The following FSTL5 variants were observed in gnomAD, a reference collection of about 807,000 sequenced individuals.
FSTL5 encodes the protein follistatin like 5, also known as follistatin-related protein 5.
A neutral mutation model predicts 89.1 loss-of-function variants in FSTL5; 62 were observed. That is an observed-to-expected ratio of 0.70 (90% CI 0.57 to 0.86). The LOEUF is 0.86. FSTL5 is among the 40% of genes least tolerant of loss of function. The pLI, the probability that FSTL5 is intolerant of heterozygous loss-of-function variation, is 0.00. For synonymous variants in FSTL5, 383 were observed against 346.2 expected (o/e 1.11, Z -1.18); for missense variants, 1,057 against 1,001.6 (o/e 1.06, Z -0.75).
intron 10 of FSTL5, among the ~76,000 whole-genome samples, chr4:161,515,044 T>A (rs72685711): frequency 0.26 from 39,828 of 152,024 alleles, 6,536 homozygotes; most frequent in Non-Finnish European, 0.38. Context: ...ACTATGTAGA[T>A]AAAATGTATT....
Position 162,108,273 on chromosome 4 carries a change from T to C in FSTL5, c.126+2998A>G, listed in dbSNP as rs1027727459. On this transcript the variant is annotated intron_variant, in intron 2 of 15. Transcript: ENST00000306100. ...TTACATTTATGTTTACATATAGTTGTAAATGATATGCCTGCATATTTTTAT... is the reference window on the plus strand; with the variant it reads ...TTACATTTATGTTTACATATAGTTGCAAATGATATGCCTGCATATTTTTAT... Among the ~76,000 whole-genome samples, 3 of 152,282 alleles carry C rather than the reference T, an allele frequency of 2.0e-5. No individual in the cohort carries two copies. In the East Asian group the frequency reaches 5.8e-4, roughly 29 times the overall value.
At chr4:162,045,663 ACTTG>A (rs1341482182) in intron 2 of FSTL5, among the ~76,000 whole-genome samples, 1 of 152,182 alleles carries the variant, frequency 6.6e-6, no homozygotes, top group Non-Finnish European at 1.5e-5. Flanking sequence ...ACACCGACAG[ACTTG>A]CTTAACACCG....
intron 9 of FSTL5, among the ~76,000 whole-genome samples, chr4:161,542,325 A>G (rs978294387): frequency 6.6e-6 from 1 of 152,096 alleles, no homozygotes; most frequent in Admixed American, 6.6e-5. Context: ...ATAATTAATC[A>G]TTATGACAAG....
At chr4:161,555,178 C>T (rs533362212) in intron 8 of FSTL5, among the ~76,000 whole-genome samples, 1 of 151,586 alleles carries the variant, frequency 6.6e-6, no homozygotes, top group Non-Finnish European at 1.5e-5. Flanking sequence ...TATCATATGA[C>T]ATTGTAAGAA....
intron 4 of FSTL5, among the ~76,000 whole-genome samples, chr4:161,907,451 G>A (rs955402723): frequency 6.6e-6 from 1 of 152,118 alleles, no homozygotes; most frequent in Non-Finnish European, 1.5e-5. Context: ...GGCTACAGCT[G>A]TATGGTTAAT....
intron 5 of FSTL5, among the ~76,000 whole-genome samples, chr4:161,763,544 G>A (rs1331091384): frequency 6.6e-6 from 1 of 152,148 alleles, no homozygotes; most frequent in African/African-American, 2.4e-5. Flanking sequence ...GTGTAGGGGA[G>A]AGAAGGACAG....
intron 2 of FSTL5, among the ~76,000 whole-genome samples, chr4:162,085,701 A>G (rs1002189552): frequency 1.3e-5 from 2 of 152,108 alleles, no homozygotes; most frequent in Non-Finnish European, 2.9e-5. Context: ...TTGACAAAGT[A>G]TGGACTGGGA....
intron 6 of FSTL5, among the ~76,000 whole-genome samples, chr4:161,705,868 T>G (rs1738547066): frequency 6.9e-6 from 1 of 145,972 alleles, no homozygotes; most frequent in Admixed American, 6.9e-5. Flanking sequence ...CAAGACTGCA[T>G]GCCAATGCAC....
intron 15 of FSTL5, among the ~76,000 whole-genome samples, chr4:161,407,668 G>T (rs12505305): frequency 0.073 from 9,015 of 122,810 alleles, 296 homozygotes; most frequent in Admixed American, 0.12. Flanking sequence ...TTTGGCATAG[G>T]TCAGCTCTAG....
intron 8 of FSTL5, among the ~76,000 whole-genome samples, chr4:161,578,070 A>G (rs1733293379): frequency 1.3e-5 from 2 of 152,112 alleles, no homozygotes; most frequent in South Asian, 4.1e-4. Flanking sequence ...AATGTTCAGC[A>G]TTCAATACAC....
chr4:161,486,623 A>C (rs984462927), intron 12 of FSTL5, among the ~76,000 whole-genome samples: 1 of 152,146 alleles, frequency 6.6e-6, no homozygotes, highest in African/African-American at 2.4e-5. Context: ...GTTGTAACTG[A>C]AAATTGAATT....
At chr4:161,469,068 C>T (rs1733842536) in intron 13 of FSTL5, among the ~76,000 whole-genome samples, 1 of 152,240 alleles carries the variant, frequency 6.6e-6, no homozygotes, top group South Asian at 2.1e-4. Flanking sequence ...CATTAAACAA[C>T]AATTCCTCAA....
rs933767663 is a variant in FSTL5 at position 161,385,860 on chromosome 4, T to C, written c.2431A>G (p.Met811Val). The change falls in exon 16 of 16, where the codon ATG (methionine) becomes GTG (valine). Residue 811 changes from methionine to valine, a missense_variant. Transcript: ENST00000306100. ...AAGAGAGAGTCCTTGGAAGGTGTCA[T>C]CAGGTATTGACCAAACAAGCCACTG... Reference protein sequence around the residue: ...QDSGLFGQYLMTPSKDSLFIL... With the variant: ...QDSGLFGQYLVTPSKDSLFIL... 3.1e-6 allele frequency: 5 copies of C among 1,613,876 alleles called. No individual in the cohort carries two copies. The highest frequency in any genetic ancestry group is 1.1e-5 in the South Asian group (1 of 91,072).
chr4:161,478,009 G>T (rs1729354506), intron 13 of FSTL5, among the ~76,000 whole-genome samples: 1 of 151,984 alleles, frequency 6.6e-6, no homozygotes, highest in Non-Finnish European at 1.5e-5. Flanking sequence ...TTTGGAAAAT[G>T]ATGCACCTTG....
intron 14 of FSTL5, among the ~76,000 whole-genome samples, chr4:161,457,377 T>C (rs1234354190): frequency 1.3e-5 from 2 of 152,360 alleles, no homozygotes; most frequent in South Asian, 2.1e-4. Flanking sequence ...ATTTACCATA[T>C]TCTATCAGCA....
chr4:161,599,392 T>G (rs1052781202), intron 7 of FSTL5, among the ~76,000 whole-genome samples: 1 of 152,100 alleles, frequency 6.6e-6, no homozygotes, highest in African/African-American at 2.4e-5. Context: ...AACTCAAATA[T>G]GAGCATATTC....
chr4:161,625,698 T>G (rs1004641218), intron 7 of FSTL5, among the ~76,000 whole-genome samples: 13 of 152,166 alleles, frequency 8.5e-5, no homozygotes, highest in African/African-American at 3.1e-4. Flanking sequence ...TGAAGGTAAG[T>G]GGGAGAGGCA....
intron 5 of FSTL5, among the ~76,000 whole-genome samples, chr4:161,762,191 G>A (rs1335607805): frequency 6.6e-6 from 1 of 152,012 alleles, no homozygotes; most frequent in Admixed American, 6.6e-5. Flanking sequence ...GTTTTGAGAC[G>A]GAGTCTTGCT....
chr4:161,546,526 A>G (rs535705426), intron 8 of FSTL5, among the ~76,000 whole-genome samples: 16 of 151,802 alleles, frequency 1.1e-4, no homozygotes, highest in East Asian at 7.8e-4. Flanking sequence ...GCATACCAAG[A>G]AAGTCAGAAT....
Sources: allele counts gnomAD v4.1 joint callset (sites outside exome capture counted in the v4.1 genomes callset), GRCh38; gene constraint gnomAD v4.1.1; transcripts MANE v1.5; gene names NCBI Gene and HGNC (gene_info 2026-07-23, HGNC 2026-07-21).